VSIG10: variants seen among roughly 807,000 people sequenced by gnomAD.
VSIG10 encodes the protein V-set and immunoglobulin domain-containing protein 10.
VSIG10 carries 48 observed loss-of-function variants against 58.7 expected under a neutral mutation model. That is an observed-to-expected ratio of 0.82 (90% CI 0.65 to 1.04). The LOEUF is 1.04. VSIG10 is among the 50% of genes least tolerant of loss of function. The pLI, the probability that VSIG10 is intolerant of heterozygous loss-of-function variation, is 0.00. For missense variants in VSIG10, 628 were observed against 670.0 expected, an observed-to-expected ratio of 0.94 and a Z score of 0.69; for synonymous variants, 260 against 267.1, an observed-to-expected ratio of 0.97 and a Z score of 0.26.
At chr12:118,075,100 G>GTA (rs527349893) in intron 4 of VSIG10, among the ~76,000 whole-genome samples, 2 of 148,160 alleles carry the variant, frequency 1.3e-5, no homozygotes, top group African/African-American at 2.5e-5. Flanking sequence ...ATGTATATAT[G>GTA]TATATATGTG....
At chr12:118,078,937 TAAAAAAAAAAAAAAA>T (rs35469920) in intron 4 of VSIG10, among the ~76,000 whole-genome samples, 3 of 39,920 alleles carry the variant, frequency 7.5e-5, no homozygotes, top group Middle Eastern at 0.013. Flanking sequence ...AGACTCTGCC[TAAAAAAAAAAAAAAA>T]AAAAAAAAAA....
At chr12:118,103,357 C>T (rs1178793148) in intron 1 of VSIG10, among the ~76,000 whole-genome samples, 3 of 152,114 alleles carry the variant, frequency 2.0e-5, no homozygotes, top group African/African-American at 7.2e-5. Context: ...GCAGCCTCAC[C>T]GGCTGCCCAC....
chr12:118,098,952 A>G (rs1185739839), intron 1 of VSIG10, among the ~76,000 whole-genome samples: 4 of 147,964 alleles, frequency 2.7e-5, no homozygotes, highest in Admixed American at 6.8e-5. Context: ...GATGTCCTGG[A>G]CAGTCTTGAA....
intron 3 of VSIG10, among the ~76,000 whole-genome samples, chr12:118,080,492 A>G (rs2032909556): frequency 6.6e-6 from 1 of 152,052 alleles, no homozygotes; most frequent in South Asian, 2.1e-4. Flanking sequence ...TTTTCGTCCA[A>G]GATATTTGTG....
At chr12:118,084,976 G>A (rs1216979227) in intron 2 of VSIG10, among the ~76,000 whole-genome samples, 1 of 152,090 alleles carries the variant, frequency 6.6e-6, no homozygotes, top group African/African-American at 2.4e-5. Flanking sequence ...CCGAGATCGC[G>A]CCACTGCACT....
At chr12:118,084,789 G>C (rs2033069412) in intron 2 of VSIG10, among the ~76,000 whole-genome samples, 1 of 152,174 alleles carries the variant, frequency 6.6e-6, no homozygotes. Context: ...TGAAGCAAGA[G>C]AATCACCTAA....
At chr12:118,084,230 T>C (rs1592873959) in intron 2 of VSIG10, among the ~76,000 whole-genome samples, 1 of 152,344 alleles carries the variant, frequency 6.6e-6, no homozygotes, top group East Asian at 1.9e-4. Context: ...AATTCACTTC[T>C]TTCCTTACCC....
At chr12:118,103,529 G>C in intron 1 of VSIG10, 64 bp downstream of exon 1, 1 of 1,441,276 alleles carries the variant, frequency 6.9e-7, no homozygotes, top group Non-Finnish European at 9.2e-7. Context: ...TGGGTCTCTC[G>C]CTGTCCCCTC....
intron 7 of VSIG10, among the ~76,000 whole-genome samples, chr12:118,069,108 G>A (rs369347109): frequency 6.8e-6 from 1 of 147,444 alleles, no homozygotes; most frequent in Non-Finnish European, 1.5e-5. Flanking sequence ...TTTCTTTTTC[G>A]GGATAGAGTC....
chr12:118,103,507 G>C (rs1566183474), intron 1 of VSIG10, 86 bp downstream of exon 1: 1 of 1,338,410 alleles, frequency 7.5e-7, no homozygotes, highest in Non-Finnish European at 9.9e-7. Flanking sequence ...TCCGGGCGGA[G>C]TCGGAGGGAA....
intron 2 of VSIG10, among the ~76,000 whole-genome samples, chr12:118,084,391 C>T (rs2033056453): frequency 6.6e-6 from 1 of 152,158 alleles, no homozygotes; most frequent in Non-Finnish European, 1.5e-5. Flanking sequence ...TCAGAATGCA[C>T]CACACAGTCT....
At chr12:118,082,083 G>A (rs1317974507) in intron 3 of VSIG10, 44 bp downstream of exon 3, 3 of 1,583,358 alleles carry the variant, frequency 1.9e-6, no homozygotes, top group Non-Finnish European at 8.6e-7. Flanking sequence ...AGTTCACAAA[G>A]GGTTAAGGGG....
At chr12:118,089,610 G>T (rs559929145) in intron 2 of VSIG10, among the ~76,000 whole-genome samples, 62 of 152,210 alleles carry the variant, frequency 4.1e-4, no homozygotes, top group African/African-American at 1.4e-3. Context: ...ATTTTTTAAT[G>T]CACCCCCTTC....
intron 8 of VSIG10, among the ~76,000 whole-genome samples, chr12:118,068,167 G>A (rs534209500): frequency 1.4e-5 from 2 of 146,300 alleles, no homozygotes; most frequent in East Asian, 4.0e-4. Flanking sequence ...GAACACAGGT[G>A]CACACCACCA....
At chr12:118,099,170 C>T (rs2033557185) in intron 1 of VSIG10, among the ~76,000 whole-genome samples, 1 of 152,114 alleles carries the variant, frequency 6.6e-6, no homozygotes, top group Non-Finnish European at 1.5e-5. Context: ...GGGCGGATCA[C>T]TTGAATCCAG....
At chr12:118,079,821 ATTTCTTTC>A (rs141622446) in intron 3 of VSIG10, among the ~76,000 whole-genome samples, 3 of 150,684 alleles carry the variant, frequency 2.0e-5, no homozygotes, top group African/African-American at 7.4e-5. Flanking sequence ...TCACCTTTGC[ATTTCTTTC>A]TTTCTTTCTT....
rs750474182 is a variant in VSIG10, at chr12:118,073,972, C to G, written c.946G>C (p.Glu316Gln). 3.2e-6 allele frequency: 5 copies of G among 1,576,492 alleles called. No homozygotes were observed. Among genetic ancestry groups the G allele is most frequent in the African/African-American group, 2.7e-5 (2 of 74,072 alleles). ...VQIRGPSLLSEPMKTCFTGGN... is the reference protein window; with the variant it reads ...VQIRGPSLLSQPMKTCFTGGN... ...CCAGTGAAGCAAGTCTTCATGGGCT[C>G]AGAGAGAAGGGAGGGACCCCCTGGT... Residue 316 changes from glutamate (E) to glutamine (Q), a missense_variant, in exon 5 of 9, where the codon GAG becomes CAG. Coordinates refer to ENST00000359236, the MANE Select transcript of VSIG10 (RefSeq NM_019086.6).
rs2032250608 is a variant in VSIG10, at chr12:118,066,501, G to A, written c.*138C>T. 1.2e-6 allele frequency: 1 copy of A among 858,032 alleles called. No homozygotes were observed. Among genetic ancestry groups the A allele is most frequent in the African/African-American group, 1.7e-5 (1 of 59,422 alleles). 53.2% of individuals were successfully genotyped at this position (858,032 alleles called of 1,614,324 possible). A position where few individuals can be genotyped will look rare whatever the true frequency, so the allele number is the denominator to read the frequency against. On this transcript the variant is annotated 3_prime_UTR_variant, in exon 9 of 9. Transcript: ENST00000359236. ...AGGAAAGATGTGTGTGCTTGGTTTT[G>A]TTTTTTGCTGAGACCCAAACATTGT...
chr12:118,078,937 TAAAAAAAAAAA>T (rs35469920), intron 4 of VSIG10, among the ~76,000 whole-genome samples: 1 of 39,910 alleles, frequency 2.5e-5, no homozygotes, highest in Non-Finnish European at 4.6e-5. Flanking sequence ...AGACTCTGCC[TAAAAAAAAAAA>T]AAAAAAAAAA....
Sources: allele counts gnomAD v4.1 joint callset (sites outside exome capture counted in the v4.1 genomes callset), GRCh38; gene constraint gnomAD v4.1.1; transcripts MANE v1.5; gene names NCBI Gene and HGNC (gene_info 2026-07-23, HGNC 2026-07-21).